Variants in CACNB2 observed in about 807,000 individuals in gnomAD.
The protein encoded by CACNB2 is calcium voltage-gated channel auxiliary subunit beta 2.
A neutral mutation model predicts 73.3 loss-of-function variants in CACNB2; 42 were observed. That is an observed-to-expected ratio of 0.57 (90% CI 0.45 to 0.74). CACNB2 has a LOEUF of 0.74. Ranked by LOEUF, CACNB2 falls within the 30% of genes least tolerant of loss-of-function variation. CACNB2 has a pLI of 0.00. For synonymous variants in CACNB2, 348 were observed against 310.3 expected (o/e 1.12, Z -1.28); for missense variants, 940 against 853.0 (o/e 1.10, Z -1.27).
intron 2 of CACNB2, among the ~76,000 whole-genome samples, chr10:18,312,054 A>G (rs929222206): frequency 1.3e-5 from 2 of 152,190 alleles, no homozygotes; most frequent in African/African-American, 2.4e-5. Flanking sequence ...ATGCATTTAT[A>G]TATTTGATGC....
chr10:18,514,751 G>A (rs1271421658), intron 7 of CACNB2, among the ~76,000 whole-genome samples: 2 of 152,154 alleles, frequency 1.3e-5, no homozygotes, highest in African/African-American at 4.8e-5. Flanking sequence ...ACCACCAAGG[G>A]AATTTGTTTC....
chr10:18,468,596 T>C (rs2048023102), intron 3 of CACNB2, among the ~76,000 whole-genome samples: 1 of 152,070 alleles, frequency 6.6e-6, no homozygotes, highest in Non-Finnish European at 1.5e-5. Context: ...TGATTTTTTT[T>C]GTTTTGTTTT....
intron 1 of CACNB2, 81 bp downstream of exon 1, chr10:18,140,937 C>A (rs1445592086): frequency 4.6e-5 from 71 of 1,536,044 alleles, no homozygotes; most frequent in Non-Finnish European, 6.2e-5. Flanking sequence ...GGCGCCTCCA[C>A]TGCAGGGATC....
intron 2 of CACNB2, among the ~76,000 whole-genome samples, chr10:18,302,916 T>G (rs1161029432): frequency 1.3e-5 from 2 of 152,218 alleles, no homozygotes; most frequent in African/African-American, 4.8e-5. Context: ...TTTCTAGACT[T>G]GCAGGCATAT....
chr10:18,334,384 C>T lies in CACNB2; in HGVS notation c.214-67540C>T, dbSNP rs77614786. Among the ~76,000 whole-genome samples, 227 of 152,222 alleles carry T rather than the reference C, an allele frequency of 1.5e-3. 7 individuals are homozygous for T. The East Asian group carries it at 0.039, about 26-fold the overall frequency. On this transcript the variant is annotated intron_variant, in intron 2 of 13. Transcript: ENST00000324631. The stretch of plus-strand genomic sequence containing the variant: ...TCCCAGGAGCTGCTTTTGAGACCCA[C>T]GGGGGTCTGGTTTTTCTCCTCCTGC...
chr10:18,385,372 C>T (rs1000863727), intron 2 of CACNB2, among the ~76,000 whole-genome samples: 2 of 132,936 alleles, frequency 1.5e-5, no homozygotes, highest in Non-Finnish European at 3.1e-5. Context: ...ATACCCCCCC[C>T]CCTCGCCCCC....
intron 2 of CACNB2, among the ~76,000 whole-genome samples, chr10:18,172,689 C>G (rs928891730): frequency 6.6e-6 from 1 of 152,048 alleles, no homozygotes; most frequent in Admixed American, 6.6e-5. Flanking sequence ...CTGCGAAAAG[C>G]CTACACCTAT....
intron 10 of CACNB2, among the ~76,000 whole-genome samples, chr10:18,529,933 G>A (rs749472292): frequency 2.6e-5 from 4 of 152,176 alleles, no homozygotes; most frequent in Non-Finnish European, 4.4e-5. Context: ...GTTCCACATG[G>A]CTAGTGAGGC....
At chr10:18,230,369 G>A (rs892666129) in intron 2 of CACNB2, among the ~76,000 whole-genome samples, 2 of 152,068 alleles carry the variant, frequency 1.3e-5, no homozygotes, top group Non-Finnish European at 1.5e-5. Context: ...CAAGTTGCCT[G>A]TTCCCTCGAT....
At chr10:18,526,517 G>A (rs913453013) in intron 9 of CACNB2, among the ~76,000 whole-genome samples, 5 of 152,096 alleles carry the variant, frequency 3.3e-5, no homozygotes, top group South Asian at 2.1e-4. Flanking sequence ...TTTCCTTTTC[G>A]CCCTAACTTC....
chr10:18,285,126 C>T (rs2038730105), intron 2 of CACNB2, among the ~76,000 whole-genome samples: 2 of 152,162 alleles, frequency 1.3e-5, no homozygotes, highest in South Asian at 4.1e-4. Context: ...AGATGTGGCA[C>T]ATCTGGTCTC....
intron 4 of CACNB2, among the ~76,000 whole-genome samples, chr10:18,500,009 C>G (rs1169282519): frequency 6.6e-6 from 1 of 151,994 alleles, no homozygotes; most frequent in Non-Finnish European, 1.5e-5. Flanking sequence ...TAGAGCCTAC[C>G]ATTTTGGTAA....
intron 2 of CACNB2, among the ~76,000 whole-genome samples, chr10:18,357,022 G>A (rs1265041434): frequency 1.4e-5 from 2 of 138,554 alleles, no homozygotes; most frequent in Non-Finnish European, 3.0e-5. Context: ...TCGACTCACT[G>A]CAAGCTCCGC....
chr10:18,366,821 T>G (rs2042375087), intron 2 of CACNB2, among the ~76,000 whole-genome samples: 1 of 152,188 alleles, frequency 6.6e-6, no homozygotes, highest in South Asian at 2.1e-4. Context: ...TGGCTGTTTA[T>G]GGAATTTTCA....
At chr10:18,284,076 T>TAA (rs1033241107) in intron 2 of CACNB2, among the ~76,000 whole-genome samples, 1 of 151,666 alleles carries the variant, frequency 6.6e-6, no homozygotes, top group Non-Finnish European at 1.5e-5. Context: ...AAAATAAAAA[T>TAA]AAAAAAATAA....
intron 3 of CACNB2, among the ~76,000 whole-genome samples, chr10:18,442,276 G>T (rs2132953294): frequency 6.6e-6 from 1 of 151,922 alleles, no homozygotes; most frequent in East Asian, 2.0e-4. Context: ...CAGCCTCATG[G>T]GTACCTGGGA....
At chr10:18,337,547 A>G (rs2041057164) in intron 2 of CACNB2, among the ~76,000 whole-genome samples, 1 of 152,186 alleles carries the variant, frequency 6.6e-6, no homozygotes, top group East Asian at 1.9e-4. Context: ...ACATTTATTT[A>G]TTATAAATTA....
Position 18,152,731 on chromosome 10 carries a change from A to C in CACNB2, c.213+1756A>C, listed in dbSNP as rs1293726253. On this transcript the variant is annotated intron_variant, in intron 2 of 13. Transcript: ENST00000324631. ...GACCAAAAAAAAAAAAAAAAAAAAA[A>C]ACAAAAAACAAAACACTAGCTCCTT... 3.5e-5 allele frequency among the ~76,000 whole-genome samples: 4 copies of C among 115,686 alleles called. No homozygotes were observed. In the South Asian group the frequency reaches 7.6e-4, roughly 22 times the overall value. 75.9% of individuals were successfully genotyped at this position (115,686 alleles called of 152,430 possible).
intron 2 of CACNB2, among the ~76,000 whole-genome samples, chr10:18,223,991 A>ATTTTTTT (rs11310932): frequency 6.8e-6 from 1 of 146,946 alleles, no homozygotes. Context: ...TAAGGGGTCT[A>ATTTTTTT]TTTTTTTTTT....
Sources: gnomAD v4.1 joint callset for allele counts (sites outside exome capture counted in the v4.1 genomes callset) on GRCh38, gnomAD v4.1.1 for gene constraint, MANE v1.5 for transcripts, NCBI Gene and HGNC (gene_info 2026-07-23, HGNC 2026-07-21) for gene names.